Variants in PTPRF observed in about 807,000 individuals in gnomAD.
The protein encoded by PTPRF is protein tyrosine phosphatase receptor type F.
A neutral mutation model predicts 201.8 loss-of-function variants in PTPRF; 59 were observed. The ratio of observed to expected loss-of-function variants is 0.29; its 90% confidence interval spans 0.24 to 0.36. PTPRF has a LOEUF of 0.36. Ranked by LOEUF, PTPRF falls within the 10% of genes least tolerant of loss-of-function variation. PTPRF has a pLI of 1.00. For synonymous variants in PTPRF, 1,088 were observed against 1,089.7 expected (o/e 1.00, Z 0.03); for missense variants, 2,132 against 2,690.5 (o/e 0.79, Z 4.59).
chr1:43,573,977 CTTTTTTTTTTTTTTTTTTTTT>C (rs77543816), intron 6 of PTPRF, among the ~76,000 whole-genome samples: 5 of 63,884 alleles, frequency 7.8e-5, no homozygotes, highest in Admixed American at 2.4e-4. Flanking sequence ...TGTGTGGGTT[CTTTTTTTTTTTTTTTTTTTTT>C]TTTTTTTTTT....
At chr1:43,571,623 C>T (rs1259896392) in intron 6 of PTPRF, among the ~76,000 whole-genome samples, 2 of 152,216 alleles carry the variant, frequency 1.3e-5, no homozygotes, top group East Asian at 3.8e-4. Context: ...CAAATTGGCC[C>T]CCTTCTCCCC....
At chr1:43,571,013 C>T (rs1646531844) in intron 6 of PTPRF, among the ~76,000 whole-genome samples, 1 of 152,226 alleles carries the variant, frequency 6.6e-6, no homozygotes, top group Non-Finnish European at 1.5e-5. Flanking sequence ...GCCTGGGCCC[C>T]TCCACAGAAC....
chr1:43,605,062 T>G, intron 17 of PTPRF, 62 bp downstream of exon 17: 1 of 1,595,760 alleles, frequency 6.3e-7, no homozygotes, highest in Non-Finnish European at 8.6e-7. Context: ...GTGCTGTCTT[T>G]CCAGTCCTAA....
intron 13 of PTPRF, among the ~76,000 whole-genome samples, chr1:43,599,336 A>G (rs575142559): frequency 2.6e-5 from 4 of 152,288 alleles, no homozygotes; most frequent in Non-Finnish European, 4.4e-5. Context: ...TCAGTCTCCC[A>G]GAGTGCTGAG....
At chr1:43,574,566 A>G (rs957557582) in intron 6 of PTPRF, among the ~76,000 whole-genome samples, 19 of 152,240 alleles carry the variant, frequency 1.2e-4, no homozygotes, top group African/African-American at 4.6e-4. Context: ...GGCAATTGTG[A>G]TAGCACATGT....
chr1:43,596,755 G>A (rs1456866014), intron 11 of PTPRF, among the ~76,000 whole-genome samples: 1 of 152,208 alleles, frequency 6.6e-6, no homozygotes, highest in Non-Finnish European at 1.5e-5. Flanking sequence ...CTCCATATGT[G>A]GCTGTGTGTG....
chr1:43,594,837 G>A (rs1217317422), intron 11 of PTPRF, among the ~76,000 whole-genome samples: 6 of 152,146 alleles, frequency 3.9e-5, no homozygotes, highest in Admixed American at 6.5e-5. Flanking sequence ...GGCAGTGCTC[G>A]GCAGGCTGTG....
At chr1:43,564,708 G>A (rs751252614) in intron 5 of PTPRF, among the ~76,000 whole-genome samples, 3 of 152,176 alleles carry the variant, frequency 2.0e-5, no homozygotes, top group Non-Finnish European at 4.4e-5. Flanking sequence ...GCTCACAGAC[G>A]GTGCCACCCC....
chr1:43,619,897 G>A, intron 29 of PTPRF, 39 bp downstream of exon 29: 1 of 1,602,954 alleles, frequency 6.2e-7, no homozygotes, highest in South Asian at 1.1e-5. Context: ...GCCCTACAGG[G>A]GCCTAGGCCT....
At chr1:43,570,852 T>G (rs1646517572) in intron 6 of PTPRF, among the ~76,000 whole-genome samples, 1 of 152,192 alleles carries the variant, frequency 6.6e-6, no homozygotes, top group Non-Finnish European at 1.5e-5. Flanking sequence ...CGCAGTTAAT[T>G]AAAACAGCCA....
In PTPRF at chr1:43,603,041, T is replaced by A. The variant is rs1022151335; in HGVS notation, c.2341-375T>A. On this transcript the variant is annotated intron_variant, in intron 14 of 33. Coordinates refer to ENST00000359947, the MANE Select transcript of PTPRF (RefSeq NM_002840.5). This position sits in a 1 kb window ranked among gnomAD's most constrained non-coding sequence, Gnocchi z 5.8. Reference sequence around the variant, plus strand: ...GCCTGCTTATGCAGGAGCTGTAGGCTGTGTGCGTGTGGCTGCCAAGAGCCA... The same window carrying A: ...GCCTGCTTATGCAGGAGCTGTAGGCAGTGTGCGTGTGGCTGCCAAGAGCCA... Among the ~76,000 whole-genome samples the A allele has an allele frequency of 6.6e-6, 1 of 152,162 alleles. No individual in the cohort carries two copies. The highest frequency in any genetic ancestry group is 1.5e-5 in the Non-Finnish European group (1 of 68,008).
rs1384098301 is a variant in PTPRF at position 43,621,981 on chromosome 1, G to T, written c.5702G>T (p.Ser1901Ile). Residue 1901 changes from serine (S) to isoleucine (I), a missense_variant, in exon 34 of 34, where the codon AGC becomes ATC. This residue lies in a region of PTPRF where 519 missense variants were observed against 659.5 expected (regional missense o/e 0.79). Transcript: ENST00000359947. ...CGTGCGGCCCTGGAGTACCTCGGCA[G>T]CTTTGACCACTATGCAACGTAACTA... ...CYRAALEYLG[S>I]FDHYAT 6.2e-7 allele frequency: 1 copy of T among 1,614,144 alleles called. No individual in the cohort carries two copies. The highest frequency in any genetic ancestry group is 1.7e-5 in the Admixed American group (1 of 60,030).
chr1:43,557,158 G>T (rs182073030), intron 5 of PTPRF, among the ~76,000 whole-genome samples: 1 of 152,244 alleles, frequency 6.6e-6, no homozygotes, highest in East Asian at 1.9e-4. Context: ...CAGGCTCTCA[G>T]ATTGGGGAAC....
At chr1:43,556,114 ATC>A (rs1273763018) in intron 5 of PTPRF, among the ~76,000 whole-genome samples, 1 of 152,262 alleles carries the variant, frequency 6.6e-6, no homozygotes, top group Non-Finnish European at 1.5e-5. Context: ...AAAAAATGGC[ATC>A]TCAATTTAAT....
Position 43,546,123 on chromosome 1 carries a change from C to T in PTPRF, c.91+957C>T, listed in dbSNP as rs1262524174. Among the ~76,000 whole-genome samples, 1 of 152,190 alleles carries T rather than the reference C, an allele frequency of 6.6e-6. No homozygotes were observed. Among genetic ancestry groups the T allele is most frequent in the African/African-American group, 2.4e-5 (1 of 41,440 alleles). ...ACGGGTCACCAGGCCATAGGGCTCC[C>T]CCACCTGCCTCCGTATCTCTGGGTA... On this transcript the variant is annotated intron_variant, in intron 3 of 33. Transcript: ENST00000359947. The surrounding 1 kb of genome is among the most constrained non-coding windows in gnomAD (Gnocchi z 4.2).
upstream of PTPRF, among the ~76,000 whole-genome samples, chr1:43,525,981 C>A (rs757516129): frequency 1.3e-5 from 2 of 151,598 alleles, no homozygotes; most frequent in Non-Finnish European, 2.9e-5. Context: ...TCTGGAGAGG[C>A]GTGTGGGGCC....
chr1:43,600,338 G>A (rs1653439053), intron 13 of PTPRF, among the ~76,000 whole-genome samples: 1 of 152,116 alleles, frequency 6.6e-6, no homozygotes, highest in African/African-American at 2.4e-5. Flanking sequence ...GTCCCAAGAG[G>A]TTCGGAAGGG....
intron 22 of PTPRF, among the ~76,000 whole-genome samples, chr1:43,609,850 C>G (rs150499957): frequency 1.3e-4 from 20 of 152,350 alleles, no homozygotes; most frequent in South Asian, 2.1e-4. Flanking sequence ...TCTGACGCCT[C>G]CACATGAAAG....
rs1426999307 is a variant in PTPRF, at chr1:43,542,233, G to C, written c.-45-2798G>C. On this transcript the variant is annotated intron_variant, in intron 2 of 33. Transcript: ENST00000359947. The surrounding 1 kb of genome is among the most constrained non-coding windows in gnomAD (Gnocchi z 5.2). ...CACCAGGGCAGGCTCTGTGCCCGGA[G>C]TCTCAGGGCGGGAGGCAGCTTGCTC... Among the ~76,000 whole-genome samples the C allele has an allele frequency of 6.6e-6, 1 of 152,200 alleles. No individual in the cohort carries two copies. The highest frequency in any genetic ancestry group is 1.9e-4 in the East Asian group (1 of 5,196).
Sources: allele counts gnomAD v4.1 joint callset (sites outside exome capture counted in the v4.1 genomes callset), GRCh38; gene constraint gnomAD v4.1.1; regional missense constraint gnomAD v4.1.1; non-coding constraint Gnocchi (gnomAD v3.1); transcripts MANE v1.5; gene names NCBI Gene and HGNC (gene_info 2026-07-23, HGNC 2026-07-21).